The following CNTNAP2 variants were observed in gnomAD, a reference collection of about 807,000 sequenced individuals.
CNTNAP2 encodes the protein contactin-associated protein-like 2.
A neutral mutation model predicts 155.2 loss-of-function variants in CNTNAP2; 98 were observed. The observed-to-expected ratio is 0.63, with a 90% CI of 0.54 to 0.75. CNTNAP2 has a LOEUF of 0.75. Among genes scored for constraint, CNTNAP2 ranks in the 30% least tolerant of loss-of-function variants. CNTNAP2 has a pLI of 0.00. For missense variants in CNTNAP2, 1,727 were observed against 1,688.1 expected, an observed-to-expected ratio of 1.02 and a Z score of -0.40; for synonymous variants, 651 against 631.2, an observed-to-expected ratio of 1.03 and a Z score of -0.47.
chr7:147,851,938 T>C (rs117089947), intron 13 of CNTNAP2, among the ~76,000 whole-genome samples: 6,442 of 152,176 alleles, frequency 0.042, 191 homozygotes, highest in Middle Eastern at 0.062. Flanking sequence ...TAAATTATTT[T>C]TCTGATTTGT....
At chr7:148,205,190 C>T (rs1021280134) in intron 18 of CNTNAP2, among the ~76,000 whole-genome samples, 3 of 152,080 alleles carry the variant, frequency 2.0e-5, no homozygotes, top group Admixed American at 2.0e-4. Flanking sequence ...CAGCTGAGCA[C>T]GTGAGAAAAT....
chr7:147,167,951 TTATATGTG>T (rs1384510804), intron 8 of CNTNAP2, among the ~76,000 whole-genome samples: 1 of 150,716 alleles, frequency 6.6e-6, no homozygotes, highest in Admixed American at 6.6e-5. Flanking sequence ...TATATTTACA[TTATATGTG>T]TATATATACA....
intron 18 of CNTNAP2, among the ~76,000 whole-genome samples, chr7:148,207,913 G>A (rs956017468): frequency 2.0e-5 from 3 of 151,912 alleles, no homozygotes; most frequent in African/African-American, 7.3e-5. Context: ...GTGAAACCCC[G>A]TCTCTACTAA....
At chr7:148,231,355 C>T (rs1015921930) in intron 20 of CNTNAP2, among the ~76,000 whole-genome samples, 2 of 152,024 alleles carry the variant, frequency 1.3e-5, no homozygotes, top group African/African-American at 4.8e-5. Flanking sequence ...GTTCTATTGC[C>T]CAAGACTATT....
chr7:147,290,155 C>A (rs1805271186), intron 8 of CNTNAP2, among the ~76,000 whole-genome samples: 1 of 152,108 alleles, frequency 6.6e-6, no homozygotes, highest in Admixed American at 6.6e-5. Context: ...CAATACATAA[C>A]CTTGTTTTGT....
chr7:147,549,039 G>A (rs758742293), intron 11 of CNTNAP2, among the ~76,000 whole-genome samples: 5 of 152,212 alleles, frequency 3.3e-5, no homozygotes, highest in African/African-American at 1.2e-4. Flanking sequence ...CAGATAGCAT[G>A]ATGCCTCCAC....
At chr7:147,007,246 G>A (rs1798542862) in intron 3 of CNTNAP2, among the ~76,000 whole-genome samples, 1 of 152,130 alleles carries the variant, frequency 6.6e-6, no homozygotes, top group Non-Finnish European at 1.5e-5. Context: ...GTAAGTCTCA[G>A]TGAGGGCTGG....
chr7:146,842,630 G>T (rs1465328033), intron 3 of CNTNAP2, among the ~76,000 whole-genome samples: 1 of 152,086 alleles, frequency 6.6e-6, no homozygotes, highest in Admixed American at 6.5e-5. Context: ...GCAAAGGGGA[G>T]GCAGGCATGT....
chr7:147,555,840 G>A lies in CNTNAP2; in HGVS notation c.1778-6298G>A, dbSNP rs569350270. On this transcript the variant is annotated intron_variant, in intron 11 of 23. Coordinates refer to ENST00000361727, the MANE Select transcript of CNTNAP2 (RefSeq NM_014141.6). ...AGAGAGTCTTCCTCAGCTCATCAGCGTCATGGAACTCTAGCTCTTCTCCTA... is the reference window on the plus strand; with the variant it reads ...AGAGAGTCTTCCTCAGCTCATCAGCATCATGGAACTCTAGCTCTTCTCCTA... 2.6e-5 allele frequency among the ~76,000 whole-genome samples: 4 copies of A among 152,332 alleles called. No individual in the cohort carries two copies. The East Asian group carries it at 5.8e-4, about 22-fold the overall frequency.
intron 9 of CNTNAP2, among the ~76,000 whole-genome samples, chr7:147,348,336 A>G (rs77708342): frequency 0.033 from 4,993 of 151,508 alleles, 268 homozygotes; most frequent in African/African-American, 0.11. Flanking sequence ...TGGGCAAATG[A>G]TCTGAATAGA....
At chr7:146,203,126 G>A (rs934980111) in intron 1 of CNTNAP2, among the ~76,000 whole-genome samples, 2 of 145,712 alleles carry the variant, frequency 1.4e-5, no homozygotes, top group Admixed American at 6.7e-5. Context: ...AGTGAGCTTG[G>A]GTTTTCCCAC....
chr7:146,280,586 A>C (rs1051426309), intron 1 of CNTNAP2, among the ~76,000 whole-genome samples: 1 of 152,118 alleles, frequency 6.6e-6, no homozygotes, highest in Non-Finnish European at 1.5e-5. Flanking sequence ...AGCCTCAGTG[A>C]TTCTGAATTC....
At chr7:148,409,675 G>A (rs1421835603) in intron 23 of CNTNAP2, among the ~76,000 whole-genome samples, 1 of 151,710 alleles carries the variant, frequency 6.6e-6, no homozygotes, top group Non-Finnish European at 1.5e-5. Context: ...CTAGCACTTT[G>A]GGAGGCCGAG....
chr7:147,825,552 T>C (rs1241646491), intron 13 of CNTNAP2, among the ~76,000 whole-genome samples: 1 of 152,182 alleles, frequency 6.6e-6, no homozygotes, highest in East Asian at 1.9e-4. Context: ...TGATGTATGA[T>C]AATAGTATTC....
chr7:146,400,125 G>A (rs188148373), intron 1 of CNTNAP2, among the ~76,000 whole-genome samples: 105 of 152,010 alleles, frequency 6.9e-4, no homozygotes, highest in Non-Finnish European at 1.1e-3. Context: ...CTCCATCCCT[G>A]CCTCCTACCA....
chr7:147,740,618 T>C (rs770896442), intron 13 of CNTNAP2, among the ~76,000 whole-genome samples: 9 of 152,222 alleles, frequency 5.9e-5, no homozygotes, highest in Admixed American at 3.9e-4. Flanking sequence ...AAACTTGTCA[T>C]TCACTTTGTA....
At position 147,476,224 on chromosome 7, in the gene CNTNAP2, G is replaced by A. The variant is rs533787325; in HGVS notation, c.1671-9711G>A. On this transcript the variant is annotated intron_variant, in intron 10 of 23. Coordinates refer to ENST00000361727, the MANE Select transcript of CNTNAP2 (RefSeq NM_014141.6). ...GGGTTCACACCATTCTCCTGCCTCAGCCTCCCGAGTAGCTGGGACTACAGG... is the reference window on the plus strand; with the variant it reads ...GGGTTCACACCATTCTCCTGCCTCAACCTCCCGAGTAGCTGGGACTACAGG... 3.9e-4 allele frequency among the ~76,000 whole-genome samples: 60 copies of A among 152,088 alleles called. 1 individual carries two copies. The South Asian group carries it at 7.7e-3, about 19-fold the overall frequency.
chr7:147,079,920 C>T (rs1423129557), intron 4 of CNTNAP2, among the ~76,000 whole-genome samples: 2 of 151,284 alleles, frequency 1.3e-5, no homozygotes, highest in Admixed American at 6.6e-5. Context: ...TCACTTCATA[C>T]TGAGACTCAG....
In CNTNAP2 at chr7:147,121,106, G is replaced by A. The variant is rs370716351; in HGVS notation, c.882G>A (p.Arg294=). The A allele has an allele frequency of 1.6e-5, 26 of 1,614,138 alleles. No individual in the cohort carries two copies. The highest frequency in any genetic ancestry group is 1.9e-5 in the Non-Finnish European group (22 of 1,180,022). The change falls in exon 6 of 24, where the codon AGG becomes AGA. Residue 294 remains arginine, a synonymous_variant. Transcript: ENST00000361727. ...QGRSINLTLD[R]SMQHFRTNGE... is the part of the protein sequence containing the mutation. ...GGAGCATTAACCTCACTCTGGACAG[G>A]AGCATGCAGCACTTCCGTACCAATG...
Sources: allele counts gnomAD v4.1 joint callset (sites outside exome capture counted in the v4.1 genomes callset), GRCh38; gene constraint gnomAD v4.1.1; transcripts MANE v1.5; gene names NCBI Gene and HGNC (gene_info 2026-07-23, HGNC 2026-07-21).